LDB2: variants seen among roughly 807,000 people sequenced by gnomAD.
LDB2 encodes LIM domain binding 2, also known as LIM domain-binding protein 2.
In LDB2, 12 loss-of-function variants were observed where a neutral mutation model predicts 44.3. The ratio of observed to expected loss-of-function variants is 0.27; its 90% CI spans 0.17 to 0.44. LDB2 has a LOEUF of 0.44. Among genes scored for constraint, LDB2 ranks in the 20% least tolerant of loss-of-function variants. The probability of loss-of-function intolerance (pLI) is 1.00; values close to 1 mark genes in which losing one functional copy is unlikely to be tolerated. For missense variants in LDB2, 344 were observed against 473.5 expected, an observed-to-expected ratio of 0.73 and a Z score of 2.54; for synonymous variants, 164 against 174.8, an observed-to-expected ratio of 0.94 and a Z score of 0.49.
At chr4:16,538,548 A>T (rs1225801018) in intron 5 of LDB2, among the ~76,000 whole-genome samples, 1 of 152,144 alleles carries the variant, frequency 6.6e-6, no homozygotes, top group Non-Finnish European at 1.5e-5. Flanking sequence ...ATCAGTTCTG[A>T]TGTTTATTTC....
chr4:16,790,687 C>A (rs567338059), intron 1 of LDB2, among the ~76,000 whole-genome samples: 1 of 152,122 alleles, frequency 6.6e-6, no homozygotes, highest in South Asian at 2.1e-4. Flanking sequence ...CCTCGATAAC[C>A]GGGATGAAAG....
chr4:16,808,763 T>G (rs946229771), intron 1 of LDB2, among the ~76,000 whole-genome samples: 2 of 152,186 alleles, frequency 1.3e-5, no homozygotes, highest in African/African-American at 4.8e-5. Context: ...TTTCCACATT[T>G]GCTAGAAAAC....
chr4:16,541,120 A>G (rs1733612305), intron 5 of LDB2, among the ~76,000 whole-genome samples: 1 of 152,118 alleles, frequency 6.6e-6, no homozygotes, highest in Non-Finnish European at 1.5e-5. Flanking sequence ...TCACCATGTG[A>G]AATGGTTTGG....
intron 1 of LDB2, among the ~76,000 whole-genome samples, chr4:16,847,613 G>GTTA (rs138064213): frequency 7.9e-5 from 12 of 151,966 alleles, no homozygotes; most frequent in Non-Finnish European, 1.3e-4. Flanking sequence ...TTGTTTGTTT[G>GTTA]TTTGTTTGTT....
rs28537433 is a variant in LDB2, at chr4:16,817,076, G to C, written c.133-57816C>G. Among the ~76,000 whole-genome samples, 1,178 of 152,270 alleles carry C rather than the reference G, an allele frequency of 7.7e-3. 22 individuals carry two copies. Among genetic ancestry groups the C allele is most frequent in the African/African-American group, 0.026 (1,082 of 41,540 alleles). ...AACAGGCCCTGTGAAGGAGTTGCTAGAAGTTGCCATTTTTGAGCACAATAC... is the reference window on the plus strand; with the variant it reads ...AACAGGCCCTGTGAAGGAGTTGCTACAAGTTGCCATTTTTGAGCACAATAC... On this transcript the variant is annotated intron_variant, in intron 1 of 7. Coordinates refer to ENST00000304523, the MANE Select transcript of LDB2 (RefSeq NM_001290.5).
At chr4:16,833,874 T>C (rs1371624500) in intron 1 of LDB2, among the ~76,000 whole-genome samples, 1 of 152,132 alleles carries the variant, frequency 6.6e-6, no homozygotes, top group Admixed American at 6.5e-5. Context: ...CTATTCCAGC[T>C]CCGCAGCCCT....
At chr4:16,810,090 G>C (rs1465931288) in intron 1 of LDB2, among the ~76,000 whole-genome samples, 1 of 152,168 alleles carries the variant, frequency 6.6e-6, no homozygotes, top group Non-Finnish European at 1.5e-5. Flanking sequence ...AATGTTCATG[G>C]AGCAGCCTTG....
intron 2 of LDB2, among the ~76,000 whole-genome samples, chr4:16,687,056 T>C (rs760599867): frequency 3.3e-5 from 5 of 149,640 alleles, no homozygotes; most frequent in African/African-American, 1.2e-4. Context: ...CAGTGAAATA[T>C]GGGGTGAAAA....
intron 1 of LDB2, among the ~76,000 whole-genome samples, chr4:16,807,847 G>A (rs1435769879): frequency 6.6e-6 from 1 of 152,160 alleles, no homozygotes; most frequent in Non-Finnish European, 1.5e-5. Context: ...ATGAGAAATT[G>A]TCAAAGATTT....
Position 16,582,503 on chromosome 4 carries a change from G to C in LDB2, c.615+3419C>G, listed in dbSNP as rs1397456173. Among the ~76,000 whole-genome samples the C allele has an allele frequency of 2.0e-5, 3 of 152,192 alleles. No homozygotes were observed. The highest frequency in any genetic ancestry group is 6.5e-5 in the Admixed American group (1 of 15,282). On this transcript the variant is annotated intron_variant, in intron 5 of 7. Coordinates refer to ENST00000304523, the MANE Select transcript of LDB2 (RefSeq NM_001290.5). The surrounding 1 kb of genome is among the most constrained non-coding windows in gnomAD (Gnocchi z 4.8). ...CTCCCATTCTAGTGCTCAAGTTCCA[G>C]CACCAGAGAGTGCTGCTTACTGAAA...
At chr4:16,648,366 T>C (rs1737348672) in intron 2 of LDB2, among the ~76,000 whole-genome samples, 1 of 152,234 alleles carries the variant, frequency 6.6e-6, no homozygotes, top group Non-Finnish European at 1.5e-5. Context: ...TAGCCACTTC[T>C]GCCACAGACT....
Position 16,502,820 on chromosome 4 carries a change from C to T in LDB2, c.945G>A (p.Glu315=), listed in dbSNP as rs1307157386. 6.2e-7 allele frequency: 1 copy of T among 1,614,060 alleles called. No individual in the cohort carries two copies. The highest frequency in any genetic ancestry group is 1.3e-5 in the African/African-American group (1 of 75,038). ...PTLMGGEFGD[E]DERLITRLEN... ...CTAATCTAGTGATTAGCCTTTCGTC[C>T]TCGTCCCCAAACTCACCTCCCATCA... The change falls in exon 8 of 8, where the codon GAG becomes GAA. Residue 315 remains glutamate, a synonymous_variant. Coordinates refer to ENST00000304523, the MANE Select transcript of LDB2 (RefSeq NM_001290.5).
intron 2 of LDB2, among the ~76,000 whole-genome samples, chr4:16,723,983 A>T (rs1019257158): frequency 2.0e-5 from 3 of 152,110 alleles, no homozygotes; most frequent in African/African-American, 7.2e-5. Context: ...AGTGCCATAA[A>T]GTTAGAATCT....
intron 2 of LDB2, among the ~76,000 whole-genome samples, chr4:16,717,192 T>TGAG (rs778538669): frequency 0.019 from 2,771 of 148,314 alleles, 37 homozygotes; most frequent in Non-Finnish European, 0.029. Context: ...ATAATAATGA[T>TGAG]GATGAGGAGG....
chr4:16,550,489 A>C (rs1479103051), intron 5 of LDB2, among the ~76,000 whole-genome samples: 1 of 152,242 alleles, frequency 6.6e-6, no homozygotes, highest in African/African-American at 2.4e-5. Flanking sequence ...TGTGAAAGTC[A>C]TAATTTTGTA....
intron 2 of LDB2, among the ~76,000 whole-genome samples, chr4:16,730,159 T>C (rs1760434222): frequency 6.6e-6 from 1 of 152,184 alleles, no homozygotes; most frequent in Admixed American, 6.6e-5. Context: ...CTTAGCCCTT[T>C]TGTCTTAGCT....
At chr4:16,892,298 C>A (rs1723643980) in intron 1 of LDB2, among the ~76,000 whole-genome samples, 1 of 146,200 alleles carries the variant, frequency 6.8e-6, no homozygotes, top group East Asian at 1.9e-4. Context: ...TATTTCCAGG[C>A]CCTGAGACTG....
At position 16,823,018 on chromosome 4, in the gene LDB2, A is replaced by T. The variant is rs1312521404; in HGVS notation, c.133-63758T>A. 2.6e-5 allele frequency among the ~76,000 whole-genome samples: 4 copies of T among 152,150 alleles called. No homozygotes were observed. The South Asian group carries it at 6.2e-4, about 24-fold the overall frequency. On this transcript the variant is annotated intron_variant, in intron 1 of 7. Transcript: ENST00000304523. ...TAGCCTAGCTGCAGAGTCAGTGAAG[A>T]GAATAACTACATAGCCCTGCTAACT...
At chr4:16,797,689 C>A (rs1777006459) in intron 1 of LDB2, among the ~76,000 whole-genome samples, 1 of 151,918 alleles carries the variant, frequency 6.6e-6, no homozygotes, top group African/African-American at 2.4e-5. Flanking sequence ...TGGTTAATAA[C>A]TTTATCCCGT....
Sources: gnomAD v4.1 joint callset for allele counts (sites outside exome capture counted in the v4.1 genomes callset) on GRCh38, gnomAD v4.1.1 for gene constraint, Gnocchi (gnomAD v3.1) non-coding constraint, MANE v1.5 for transcripts, NCBI Gene and HGNC (gene_info 2026-07-23, HGNC 2026-07-21) for gene names.